The following TTC19 variants were observed in gnomAD, a reference collection of about 807,000 sequenced individuals.
The protein encoded by TTC19 is tetratricopeptide repeat protein 19, mitochondrial.
In TTC19, 38 loss-of-function variants were observed where a neutral mutation model predicts 49.5. That is an observed-to-expected ratio of 0.77 (90% confidence interval 0.59 to 1.01). TTC19 has a LOEUF of 1.01. TTC19 is among the 50% of genes least tolerant of loss of function. The pLI is 0.00. For missense variants in TTC19, 475 were observed against 477.7 expected (o/e 0.99, Z 0.05); for synonymous variants, 204 against 185.2 (o/e 1.10, Z -0.83).
In TTC19 at chr17:16,004,220, A is replaced by C. The variant is rs773330300; in HGVS notation, c.539A>C (p.Glu180Ala). ...TCACAGGAGGACAATGCAATAATTG[A>C]AATTTCCCTAAAGCTGGCCAGTATC... The part of the protein sequence containing the change: ...GMKQEDNAII[E>A]ISLKLASIYA... The change falls in exon 6 of 10, where the codon GAA becomes GCA. Residue 180 changes from glutamate (E) to alanine (A), a missense_variant. Transcript: ENST00000261647. 1 of 1,614,228 alleles carries C rather than the reference A, an allele frequency of 6.2e-7. No individual in the cohort carries two copies. Among genetic ancestry groups the C allele is most frequent in the African/African-American group, 1.3e-5 (1 of 75,056 alleles).
chr17:16,029,052 CCAGTATTA>C lies in TTC19; in HGVS notation c.*1531_*1538del, dbSNP rs1971730908. 1 of 451,828 alleles carries C rather than the reference CCAGTATTA, an allele frequency of 2.2e-6. No individual in the cohort carries two copies. The highest frequency in any genetic ancestry group is 4.4e-6 in the Non-Finnish European group (1 of 226,188). The allele number at this position is 451,828 out of a possible 1,614,324, so 28.0% of individuals were successfully genotyped here. A position where few individuals can be genotyped will look rare whatever the true frequency, so the allele number is the denominator to read the frequency against. Reference sequence around the variant, plus strand: ...ATAAATCAGACTGTTTCAGTAGAAACCAGTATTAACGTATGGTGATTTCTTAAAAAAAT... The same window carrying C: ...ATAAATCAGACTGTTTCAGTAGAAACACGTATGGTGATTTCTTAAAAAAAT... On this transcript the variant is annotated 3_prime_UTR_variant, in exon 10 of 10. Coordinates refer to ENST00000261647, the MANE Select transcript of TTC19 (RefSeq NM_017775.4).
Position 16,029,344 on chromosome 17 carries a change from G to T in TTC19, c.*1822G>T, listed in dbSNP as rs1232950915. 6 of 414,078 alleles carry T rather than the reference G, an allele frequency of 1.4e-5. No homozygotes were observed. Among genetic ancestry groups the T allele is most frequent in the South Asian group, 1.1e-4 (6 of 55,952 alleles). The allele number at this position is 414,078 out of a possible 1,614,324, so 25.7% of individuals were successfully genotyped here. A position where few individuals can be genotyped will look rare whatever the true frequency, so the allele number is the denominator to read the frequency against. On this transcript the variant is annotated 3_prime_UTR_variant, in exon 10 of 10. Coordinates refer to ENST00000261647, the MANE Select transcript of TTC19 (RefSeq NM_017775.4). The stretch of plus-strand genomic sequence containing the variant: ...AAAAGGAGGACTGATCTCCTTTACT[G>T]ATTGGTCTAAATTCAAAAGTGAATT...
chr17:16,035,504 C>T (rs1228730222), intron 2 of TTC19, among the ~76,000 whole-genome samples: 1 of 150,400 alleles, frequency 6.6e-6, no homozygotes, highest in African/African-American at 2.4e-5. Flanking sequence ...GTTACATCTT[C>T]AGGCTCCACT....
At position 16,028,485 on chromosome 17, in the gene TTC19, T is replaced by C; in HGVS notation, c.*963T>C. ...AAACACTGGGATTCTTTCTTAGCTG[T>C]GGGGGAAGGTATTTGGTTAGATGAC... is the stretch of plus-strand genomic sequence containing the variant. On this transcript the variant is annotated 3_prime_UTR_variant, in exon 10 of 10. Transcript: ENST00000261647. 1 of 454,026 alleles carries C rather than the reference T, an allele frequency of 2.2e-6. No individual in the cohort carries two copies. The allele number at this position is 454,026 out of a possible 1,614,324, so 28.1% of individuals were successfully genotyped here. A position where few individuals can be genotyped will look rare whatever the true frequency, so the allele number is the denominator to read the frequency against.
chr17:16,003,422 CTTATTTATTTAT>C (rs149202647), intron 4 of TTC19, among the ~76,000 whole-genome samples: 31 of 148,704 alleles, frequency 2.1e-4, no homozygotes, highest in African/African-American at 4.5e-4. Flanking sequence ...GGCTAATTTT[CTTATTTATTTAT>C]TTATTTATTT....
chr17:16,016,501 T>C (rs1191584118), intron 7 of TTC19, among the ~76,000 whole-genome samples: 1 of 152,068 alleles, frequency 6.6e-6, no homozygotes, highest in East Asian at 1.9e-4. Flanking sequence ...AGTTGGTTTA[T>C]AGTGTTATTC....
intron 7 of TTC19, among the ~76,000 whole-genome samples, chr17:16,020,865 G>GA (rs1195607796): frequency 1.3e-5 from 2 of 152,084 alleles, no homozygotes; most frequent in African/African-American, 4.8e-5. Flanking sequence ...GGTGGTGGGG[G>GA]AGAGTAGAGA....
intron 9 of TTC19, 49 bp from the exon 10 acceptor site, chr17:16,027,325 G>C: frequency 6.2e-7 from 1 of 1,608,444 alleles, no homozygotes; most frequent in Non-Finnish European, 8.5e-7. Context: ...GAATCACCTT[G>C]AAAACATACA....
At position 16,026,542 on chromosome 17, in the gene TTC19, C is replaced by G; in HGVS notation, c.834C>G (p.Thr278=). ...EEIQGERHPQ[T]IVLMSDLATT... is the part of the protein sequence containing the mutation. Reference sequence around the variant, plus strand: ...ATTGTTTTTTCTTTTACATACAGACCATTGTGCTGATGAGTGACCTGGCTA... The same window carrying G: ...ATTGTTTTTTCTTTTACATACAGACGATTGTGCTGATGAGTGACCTGGCTA... Residue 278 remains threonine, a splice_region_variant and synonymous_variant, in exon 9 of 10, where the codon ACC becomes ACG. Coordinates refer to ENST00000261647, the MANE Select transcript of TTC19 (RefSeq NM_017775.4). 5 of 1,613,932 alleles carry G rather than the reference C, an allele frequency of 3.1e-6. No homozygotes were observed. Among genetic ancestry groups the G allele is most frequent in the Non-Finnish European group, 4.2e-6 (5 of 1,179,946 alleles).
chr17:16,011,847 G>C (rs1386846743), intron 7 of TTC19, among the ~76,000 whole-genome samples: 1 of 152,126 alleles, frequency 6.6e-6, no homozygotes, highest in Non-Finnish European at 1.5e-5. Context: ...TACATAAAAC[G>C]TACTTAGAAT....
downstream of TTC19, chr17:16,032,267 T>C: frequency 1.3e-6 from 2 of 1,575,430 alleles, no homozygotes; most frequent in Non-Finnish European, 1.7e-6. Flanking sequence ...ATCCCTCTCC[T>C]GCACCCTGTT....
intron 9 of TTC19, chr17:16,026,936 A>G: frequency 1.7e-6 from 1 of 597,532 alleles, no homozygotes; most frequent in Non-Finnish European, 3.0e-6. Flanking sequence ...AAGCTGGAGA[A>G]AACCTTGCAA....
intron 7 of TTC19, among the ~76,000 whole-genome samples, chr17:16,021,499 G>T (rs1376444263): frequency 1.3e-5 from 2 of 152,248 alleles, no homozygotes; most frequent in South Asian, 4.1e-4. Flanking sequence ...AAAGTGCTAT[G>T]TAGATATTTA....
intron 2 of TTC19, among the ~76,000 whole-genome samples, chr17:16,041,957 T>C (rs200946981): frequency 8.7e-4 from 132 of 152,084 alleles, no homozygotes; most frequent in Non-Finnish European, 1.6e-3. Context: ...AGGATGGTCT[T>C]GATCTCCTGA....
chr17:16,027,872 A>ATAAGT lies in TTC19; in HGVS notation c.*352_*356dup. ...GGTGATTCAGCCTGGCATTTCTACC[A>ATAAGT]TAAGTTTTTGGTCTGCTGATTTGCT... On this transcript the variant is annotated 3_prime_UTR_variant, in exon 10 of 10. Transcript: ENST00000261647. The ATAAGT allele has an allele frequency of 2.1e-6, 1 of 467,740 alleles. No homozygotes were observed. Among genetic ancestry groups the ATAAGT allele is most frequent in the African/African-American group, 2.0e-5 (1 of 50,612 alleles). The allele number at this position is 467,740 out of a possible 1,614,324, so 29.0% of individuals were successfully genotyped here. A position where few individuals can be genotyped will look rare whatever the true frequency, so the allele number is the denominator to read the frequency against.
At chr17:16,019,072 C>T (rs567225307) in intron 7 of TTC19, among the ~76,000 whole-genome samples, 73 of 152,284 alleles carry the variant, frequency 4.8e-4, no homozygotes, top group African/African-American at 1.7e-3. Flanking sequence ...GTGGCTCACA[C>T]CTGTAATCCC....
At chr17:16,010,272 T>G (rs1413933258) in intron 7 of TTC19, among the ~76,000 whole-genome samples, 1 of 138,974 alleles carries the variant, frequency 7.2e-6, no homozygotes, top group Non-Finnish European at 1.6e-5. Flanking sequence ...CTCCCGGGTT[T>G]AAGCGGTTCT....
intron 2 of TTC19, among the ~76,000 whole-genome samples, chr17:16,044,185 A>AG (rs1555549291): frequency 7.6e-4 from 115 of 151,358 alleles, no homozygotes; most frequent in Non-Finnish European, 1.2e-3. Context: ...AAAAAAAAAA[A>AG]AAAGAAAGAA....
intron 2 of TTC19, among the ~76,000 whole-genome samples, chr17:16,036,269 C>T (rs1230888952): frequency 6.6e-6 from 1 of 152,166 alleles, no homozygotes; most frequent in Non-Finnish European, 1.5e-5. Flanking sequence ...TTTTTCTAAG[C>T]AGTAGGTCTG....
Sources: gnomAD v4.1 joint callset for allele counts (sites outside exome capture counted in the v4.1 genomes callset) on GRCh38, gnomAD v4.1.1 for gene constraint, MANE v1.5 for transcripts, NCBI Gene and HGNC (gene_info 2026-07-23, HGNC 2026-07-21) for gene names.